The following CCDC172 variants were observed in gnomAD, a reference collection of about 807,000 sequenced individuals.
CCDC172 encodes coiled-coil domain-containing protein 172.
A neutral mutation model predicts 38.0 loss-of-function variants in CCDC172; 30 were observed. The ratio of observed to expected loss-of-function variants is 0.79; its 90% CI spans 0.59 to 1.07. CCDC172 has a LOEUF of 1.07. CCDC172 is among the 50% of genes least tolerant of loss of function. CCDC172 has a pLI of 0.00. For synonymous variants in CCDC172, 78 were observed against 88.3 expected, an observed-to-expected ratio of 0.88 and a Z score of 0.66; for missense variants, 297 against 290.1, an observed-to-expected ratio of 1.02 and a Z score of -0.17.
Position 116,368,460 on chromosome 10 carries a change from C to T in CCDC172, c.654-9963C>T, listed in dbSNP as rs117933182. On this transcript the variant is annotated intron_variant, in intron 7 of 8. Transcript: ENST00000333254. Reference sequence around the variant, plus strand: ...TTCTCCTTTAAAAAAAAATTCTCTACGTACTCATGCACCTTTTAAAGTTAC... The same window carrying T: ...TTCTCCTTTAAAAAAAAATTCTCTATGTACTCATGCACCTTTTAAAGTTAC... Among the ~76,000 whole-genome samples the T allele has an allele frequency of 9.7e-3, 1,468 of 152,118 alleles. 12 individuals are homozygous for T. The highest frequency in any genetic ancestry group is 0.019 in the South Asian group (93 of 4,812).
At chr10:116,375,135 A>G (rs931468023) in intron 7 of CCDC172, among the ~76,000 whole-genome samples, 1 of 152,126 alleles carries the variant, frequency 6.6e-6, no homozygotes, top group Non-Finnish European at 1.5e-5. Context: ...AGTTTTGTGA[A>G]TAGCCTGGGT....
At position 116,325,324 on chromosome 10, in the gene CCDC172, G is replaced by A. The variant is rs1844577378; in HGVS notation, c.101G>A (p.Cys34Tyr). Reference sequence around the variant, plus strand: ...ACAGTAAGGTCGGAAATAACCAGATGTCGTGAAAAAATTAAGAAAGCAACG... The same window carrying A: ...ACAGTAAGGTCGGAAATAACCAGATATCGTGAAAAAATTAAGAAAGCAACG... ...MREVRSEITR[C>Y]REKIKKATEE... Residue 34 changes from cysteine (C) to tyrosine (Y), a missense_variant, in exon 3 of 9, where the codon TGT becomes TAT. By Grantham distance (194) the Cys-to-Tyr change is radical (BLOSUM62 -2). Coordinates refer to ENST00000333254, the MANE Select transcript of CCDC172 (RefSeq NM_198515.3). 1.9e-6 allele frequency: 3 copies of A among 1,613,596 alleles called. No homozygotes were observed. The highest frequency in any genetic ancestry group is 1.6e-4 in the Middle Eastern group (1 of 6,078).
At chr10:116,359,418 C>CTT (rs1672482113) in intron 7 of CCDC172, among the ~76,000 whole-genome samples, 1 of 152,132 alleles carries the variant, frequency 6.6e-6, no homozygotes, top group Non-Finnish European at 1.5e-5. Flanking sequence ...GGTTTGACTT[C>CTT]TTAATGGAGT....
At chr10:116,367,965 G>A (rs892235818) in intron 7 of CCDC172, among the ~76,000 whole-genome samples, 17 of 152,008 alleles carry the variant, frequency 1.1e-4, no homozygotes, top group African/African-American at 2.9e-4. Flanking sequence ...AGGTGTCAAG[G>A]CTAGTTGTTT....
chr10:116,354,754 AAAG>A (rs1844973462), intron 5 of CCDC172, among the ~76,000 whole-genome samples: 1 of 152,134 alleles, frequency 6.6e-6, no homozygotes, highest in Admixed American at 6.5e-5. Context: ...GTAATAAATA[AAAG>A]AAGATGACAG....
Position 116,324,953 on chromosome 10 carries a change from C to A in CCDC172, c.-59C>A. On this transcript the variant is annotated 5_prime_UTR_variant, in exon 2 of 9. Transcript: ENST00000333254. ...TCTTTATTCTGCTTTCCAGGATCCT[C>A]AGAGTTGGTTATAAAATATTTAAGG... The A allele has an allele frequency of 7.4e-7, 1 of 1,360,510 alleles. No homozygotes were observed. The highest frequency in any genetic ancestry group is 1.2e-5 in the South Asian group (1 of 85,252). 84.3% of individuals were successfully genotyped at this position (1,360,510 alleles called of 1,614,324 possible). A position where few individuals can be genotyped will look rare whatever the true frequency, so the allele number is the denominator to read the frequency against.
chr10:116,356,299 C>T (rs1844995535), intron 5 of CCDC172, among the ~76,000 whole-genome samples: 1 of 148,778 alleles, frequency 6.7e-6, no homozygotes, highest in African/African-American at 2.5e-5. Flanking sequence ...CACTGCACTC[C>T]AACCTGGGCA....
intron 5 of CCDC172, among the ~76,000 whole-genome samples, chr10:116,349,072 CT>C (rs1390276080): frequency 6.6e-6 from 1 of 152,056 alleles, no homozygotes. Context: ...CATAAACCCT[CT>C]CGTGAACTGT....
At position 116,372,293 on chromosome 10, in the gene CCDC172, T is replaced by C. The variant is rs767557975; in HGVS notation, c.654-6130T>C. Among the ~76,000 whole-genome samples, 6 of 152,264 alleles carry C rather than the reference T, an allele frequency of 3.9e-5. No individual in the cohort carries two copies. The East Asian group carries it at 1.2e-3, about 29-fold the overall frequency. ...TTAAAAAAATTTAATTGTTATTTTG[T>C]AGGAACTTTGGCTACTGTCATTGCC... On this transcript the variant is annotated intron_variant, in intron 7 of 8. Coordinates refer to ENST00000333254, the MANE Select transcript of CCDC172 (RefSeq NM_198515.3).
chr10:116,363,220 A>G (rs1225068368), intron 7 of CCDC172, among the ~76,000 whole-genome samples: 1 of 152,042 alleles, frequency 6.6e-6, no homozygotes, highest in Non-Finnish European at 1.5e-5. Flanking sequence ...GCCTACCCCA[A>G]CCAACCAGGA....
intron 7 of CCDC172, among the ~76,000 whole-genome samples, chr10:116,361,827 T>G (rs924207522): frequency 6.6e-6 from 1 of 152,232 alleles, no homozygotes; most frequent in African/African-American, 2.4e-5. Flanking sequence ...GGTATTAACA[T>G]GTTTTCAAAC....
chr10:116,368,587 T>C (rs1042487126), intron 7 of CCDC172, among the ~76,000 whole-genome samples: 2 of 152,038 alleles, frequency 1.3e-5, no homozygotes, highest in Non-Finnish European at 2.9e-5. Context: ...TGTGGGTTTT[T>C]AAAAACCACT....
chr10:116,363,261 C>T (rs76291789), intron 7 of CCDC172, among the ~76,000 whole-genome samples: 218 of 152,264 alleles, frequency 1.4e-3, no homozygotes, highest in African/African-American at 5.0e-3. Context: ...GGCAGGACCG[C>T]TCCCTCTTCT....
intron 4 of CCDC172, 115 bp from the exon 5 acceptor site, chr10:116,341,921 A>G: frequency 1.4e-6 from 1 of 711,590 alleles, no homozygotes; most frequent in Non-Finnish European, 1.9e-6. Flanking sequence ...AAAACCAGGA[A>G]GTGTAACTAT....
intron 5 of CCDC172, among the ~76,000 whole-genome samples, chr10:116,353,134 A>G (rs1311026107): frequency 6.6e-6 from 1 of 152,142 alleles, no homozygotes; most frequent in East Asian, 1.9e-4. Flanking sequence ...TGGAGCTTGC[A>G]GTGAGCCGAG....
At chr10:116,366,804 G>C (rs931918867) in intron 7 of CCDC172, among the ~76,000 whole-genome samples, 4 of 152,154 alleles carry the variant, frequency 2.6e-5, no homozygotes, top group Non-Finnish European at 5.9e-5. Context: ...ATTTCCTGTT[G>C]ATCTCCATCC....
At chr10:116,327,345 G>C (rs1309245760) in intron 3 of CCDC172, among the ~76,000 whole-genome samples, 1 of 151,930 alleles carries the variant, frequency 6.6e-6, no homozygotes, top group Non-Finnish European at 1.5e-5. Context: ...TTTGTATCTT[G>C]TTTAGGTTAA....
At chr10:116,341,208 A>G (rs763379584) in intron 4 of CCDC172, among the ~76,000 whole-genome samples, 1 of 152,048 alleles carries the variant, frequency 6.6e-6, no homozygotes, top group Non-Finnish European at 1.5e-5. Flanking sequence ...GGATATTGTT[A>G]ATCTTTTTCT....
intron 5 of CCDC172, among the ~76,000 whole-genome samples, chr10:116,353,147 C>G (rs958425198): frequency 6.6e-6 from 1 of 151,830 alleles, no homozygotes; most frequent in South Asian, 2.1e-4. Context: ...GAGCCGAGAT[C>G]GCGCCACTGC....
Sources: gnomAD v4.1 joint callset for allele counts (sites outside exome capture counted in the v4.1 genomes callset) on GRCh38, gnomAD v4.1.1 for gene constraint, MANE v1.5 for transcripts, NCBI Gene and HGNC (gene_info 2026-07-23, HGNC 2026-07-21) for gene names.